TMEM132B: variants seen among roughly 807,000 people sequenced by gnomAD.
TMEM132B encodes the protein transmembrane protein 132B.
TMEM132B carries 18 observed loss-of-function variants against 90.8 expected under a neutral mutation model. That is an observed-to-expected ratio of 0.20 (90% CI 0.14 to 0.29). The LOEUF (loss-of-function observed/expected upper bound fraction) is 0.29, where lower values mean the gene tolerates loss of function less well. Among genes scored for constraint, TMEM132B ranks in the 10% least tolerant of loss-of-function variants. The pLI is 1.00. For missense variants in TMEM132B, 1,096 were observed against 1,326.8 expected, an observed-to-expected ratio of 0.83 and a Z score of 2.70; for synonymous variants, 504 against 523.3, an observed-to-expected ratio of 0.96 and a Z score of 0.50.
intron 4 of TMEM132B, among the ~76,000 whole-genome samples, chr12:125,528,744 G>T (rs943135721): frequency 3.9e-5 from 6 of 152,146 alleles, no homozygotes; most frequent in African/African-American, 1.2e-4. Flanking sequence ...ATAGACTACT[G>T]TTGACTAGAA....
intron 1 of TMEM132B, chr12:125,326,789 AG>A: frequency 1.8e-6 from 2 of 1,084,824 alleles, no homozygotes; most frequent in Non-Finnish European, 2.6e-6. Context: ...TTCTTGAAAG[AG>A]TTGCCTGTTC....
rs140434603 is a variant in TMEM132B at position 125,345,141 on chromosome 12, C to T, written c.68-4311C>T. ...CTGGTGTTTTTCAAAGACCTGGTGA[C>T]CTGGTCACCTGGCCACCTGGCCCAC... On this transcript the variant is annotated intron_variant, in intron 1 of 8. Coordinates refer to ENST00000682704, the MANE Select transcript of TMEM132B (RefSeq NM_001366854.1). Among the ~76,000 whole-genome samples the T allele has an allele frequency of 4.0e-3, 602 of 152,218 alleles. 8 individuals carry two copies. The highest frequency in any genetic ancestry group is 0.013 in the African/African-American group (545 of 41,528).
At chr12:125,304,732 G>T (rs781117766) in intron 1 of TMEM132B, among the ~76,000 whole-genome samples, 1 of 152,152 alleles carries the variant, frequency 6.6e-6, no homozygotes, top group Non-Finnish European at 1.5e-5. Flanking sequence ...TTGGGGGGCT[G>T]AGGAGGGAGA....
Position 125,625,652 on chromosome 12 carries a change from T to C in TMEM132B, c.1438-18424T>C, listed in dbSNP as rs529690812. On this transcript the variant is annotated intron_variant, in intron 5 of 8. Coordinates refer to ENST00000682704, the MANE Select transcript of TMEM132B (RefSeq NM_001366854.1). ...ACATAAGAATTTTTGTGCAAACGTG[T>C]TCTCAGTTCACCTAGATGTGAGATT... 9.2e-4 allele frequency among the ~76,000 whole-genome samples: 140 copies of C among 152,376 alleles called. 2 individuals are homozygous for C. The South Asian group carries it at 0.021, about 23-fold the overall frequency.
At chr12:125,592,712 T>G (rs933354721) in intron 5 of TMEM132B, among the ~76,000 whole-genome samples, 12 of 152,158 alleles carry the variant, frequency 7.9e-5, no homozygotes, top group African/African-American at 2.7e-4. Context: ...TGATCAAAGT[T>G]TCCTTAAGTG....
At position 125,246,383 on chromosome 12, in the gene TMEM132B, G is replaced by A. The variant is rs187045120; in HGVS notation, c.67+59517G>A. Among the ~76,000 whole-genome samples the A allele has an allele frequency of 3.3e-5, 5 of 152,292 alleles. No homozygotes were observed. Among genetic ancestry groups the A allele is most frequent in the East Asian group, 3.9e-4 (2 of 5,188 alleles). Reference sequence around the variant, plus strand: ...GATTATGAATATGAATAGGGGACTCGTTCTGTTCTGAGGAAGTCAGCTTCC... The same window carrying A: ...GATTATGAATATGAATAGGGGACTCATTCTGTTCTGAGGAAGTCAGCTTCC... On this transcript the variant is annotated intron_variant, in intron 1 of 8. Coordinates refer to ENST00000682704, the MANE Select transcript of TMEM132B (RefSeq NM_001366854.1). The surrounding 1 kb of genome is among the most constrained non-coding windows in gnomAD (Gnocchi z 4.2).
chr12:125,223,836 G>C (rs1873616675), intron 1 of TMEM132B, among the ~76,000 whole-genome samples: 1 of 151,962 alleles, frequency 6.6e-6, no homozygotes, highest in Non-Finnish European at 1.5e-5. Context: ...GCCTAGGGTG[G>C]CGCGATCTTG....
intron 4 of TMEM132B, among the ~76,000 whole-genome samples, chr12:125,520,622 T>A (rs1254453887): frequency 6.6e-6 from 1 of 152,296 alleles, no homozygotes; most frequent in Non-Finnish European, 1.5e-5. Flanking sequence ...TCTCTGACCT[T>A]GTTGGCTAAA....
rs1342908830 is a variant in TMEM132B at position 125,459,764 on chromosome 12, G to C, written c.1106+44087G>C. On this transcript the variant is annotated intron_variant, in intron 3 of 8. Coordinates refer to ENST00000682704, the MANE Select transcript of TMEM132B (RefSeq NM_001366854.1). The surrounding 1 kb of genome is among the most constrained non-coding windows in gnomAD (Gnocchi z 4.1). Reference sequence around the variant, plus strand: ...TGTGTCCCCACCCAAATCTCATCCTGAATTGTAGCTCCCATAATTCCCATG... The same window carrying C: ...TGTGTCCCCACCCAAATCTCATCCTCAATTGTAGCTCCCATAATTCCCATG... 6.6e-6 allele frequency among the ~76,000 whole-genome samples: 1 copy of C among 152,172 alleles called. No individual in the cohort carries two copies. Among genetic ancestry groups the C allele is most frequent in the Admixed American group, 6.5e-5 (1 of 15,282 alleles).
intron 1 of TMEM132B, among the ~76,000 whole-genome samples, chr12:125,321,546 C>T (rs1198896836): frequency 8.0e-5 from 12 of 150,276 alleles, no homozygotes; most frequent in Admixed American, 4.6e-4. Flanking sequence ...GGAGCAATCT[C>T]GGCTCACTGC....
intron 1 of TMEM132B, among the ~76,000 whole-genome samples, chr12:125,255,134 G>C (rs974851099): frequency 1.3e-5 from 2 of 152,160 alleles, no homozygotes; most frequent in African/African-American, 4.8e-5. Flanking sequence ...CGAAATCCAC[G>C]TGATGTGCCC....
chr12:125,561,705 C>CT (rs76379420), intron 4 of TMEM132B, among the ~76,000 whole-genome samples: 336 of 145,292 alleles, frequency 2.3e-3, no homozygotes, highest in Middle Eastern at 0.018. Flanking sequence ...TTAGAGGAAT[C>CT]TTTTTTTTTT....
chr12:125,604,335 C>G (rs1456203286), intron 5 of TMEM132B, among the ~76,000 whole-genome samples: 1 of 150,490 alleles, frequency 6.6e-6, no homozygotes, highest in Non-Finnish European at 1.5e-5. Context: ...CTTCAGTAAA[C>G]AAACACAGGA....
chr12:125,346,552 G>T (rs1326932982), intron 1 of TMEM132B, among the ~76,000 whole-genome samples: 1 of 152,238 alleles, frequency 6.6e-6, no homozygotes, highest in Non-Finnish European at 1.5e-5. Flanking sequence ...CTGGTTTGGA[G>T]AGGGGAAGTA....
At chr12:125,273,512 G>C (rs1363433734) in intron 1 of TMEM132B, among the ~76,000 whole-genome samples, 1 of 152,186 alleles carries the variant, frequency 6.6e-6, no homozygotes, top group African/African-American at 2.4e-5. Context: ...TCTTGAGCCT[G>C]GGAGGTTGAG....
At position 125,484,998 on chromosome 12, in the gene TMEM132B, GC is replaced by G. The variant is rs148718992; in HGVS notation, c.1107-34440del. Reference sequence around the variant, plus strand: ...GCTCAAGTTAGAATCAGTGCCTGTTGCTTACAACCAAAGATCACTAATGGAT... The same window carrying G: ...GCTCAAGTTAGAATCAGTGCCTGTTGTTACAACCAAAGATCACTAATGGAT... On this transcript the variant is annotated intron_variant, in intron 3 of 8. Transcript: ENST00000682704. 3.3e-5 allele frequency among the ~76,000 whole-genome samples: 5 copies of G among 152,246 alleles called. No homozygotes were observed. In the East Asian group the frequency reaches 9.7e-4, roughly 29 times the overall value.
intron 5 of TMEM132B, chr12:125,586,491 A>C (rs1039607954): frequency 2.0e-5 from 3 of 152,250 alleles, no homozygotes; most frequent in Non-Finnish European, 2.9e-5. Context: ...ACTGTGGTCA[A>C]TCACAGTCCA....
intron 5 of TMEM132B, among the ~76,000 whole-genome samples, chr12:125,589,080 T>C (rs113657117): frequency 0.019 from 2,964 of 152,336 alleles, 80 homozygotes; most frequent in African/African-American, 0.066. Flanking sequence ...GGTATAGATA[T>C]AATATTTATT....
At chr12:125,344,314 C>G (rs566225120) in intron 1 of TMEM132B, among the ~76,000 whole-genome samples, 1 of 152,274 alleles carries the variant, frequency 6.6e-6, no homozygotes, top group South Asian at 2.1e-4. Flanking sequence ...GCTGGAAAAT[C>G]TGAGAAACCA....
Sources: gnomAD v4.1 joint callset for allele counts (sites outside exome capture counted in the v4.1 genomes callset) on GRCh38, gnomAD v4.1.1 for gene constraint, Gnocchi (gnomAD v3.1) non-coding constraint, MANE v1.5 for transcripts, NCBI Gene and HGNC (gene_info 2026-07-23, HGNC 2026-07-21) for gene names.